The following SLC24A2 variants were observed in gnomAD, a reference collection of about 807,000 sequenced individuals.
SLC24A2 encodes solute carrier family 24 member 2.
Under a neutral mutation model 62.0 loss-of-function variants are expected in SLC24A2, and 36 were observed. That is an observed-to-expected ratio of 0.58 (90% CI 0.44 to 0.77). The LOEUF (loss-of-function observed/expected upper bound fraction) is 0.77, where lower values mean the gene tolerates loss of function less well. SLC24A2 is among the 30% of genes least tolerant of loss of function. SLC24A2 has a pLI of 0.00. For missense variants in SLC24A2, 846 were observed against 817.9 expected (o/e 1.03, Z -0.42); for synonymous variants, 358 against 294.0 (o/e 1.22, Z -2.23).
At chr9:20,022,383 A>G in the SLC24A2 span, among the ~76,000 whole-genome samples, 3 of 152,244 alleles carry the variant, frequency 2.0e-5, no homozygotes, top group Admixed American at 2.0e-4. Flanking sequence ...TAAGTACATT[A>G]CTAACCAAAG....
At chr9:20,151,514 C>G in the SLC24A2 span, among the ~76,000 whole-genome samples, 38 of 151,978 alleles carry the variant, frequency 2.5e-4, no homozygotes, top group Non-Finnish European at 5.3e-4. Context: ...CCTCAGAGGG[C>G]TTTGCTAGAT....
At chr9:20,224,894 T>C in the SLC24A2 span, among the ~76,000 whole-genome samples, 1 of 152,096 alleles carries the variant, frequency 6.6e-6, no homozygotes, top group African/African-American at 2.4e-5. Context: ...TGGGAGCTAC[T>C]TCAACTAGAA....
chr9:20,150,251 G>C, the SLC24A2 span, among the ~76,000 whole-genome samples: 1 of 151,996 alleles, frequency 6.6e-6, no homozygotes, highest in East Asian at 1.9e-4. Context: ...AATGCAACTG[G>C]ATTATTACAG....
chr9:20,206,673 G>A, the SLC24A2 span, among the ~76,000 whole-genome samples: 40 of 152,012 alleles, frequency 2.6e-4, no homozygotes, highest in African/African-American at 9.2e-4. Context: ...GTAGAGACGG[G>A]GTTTCACCAT....
chr9:19,935,415 A>AC, the SLC24A2 span, among the ~76,000 whole-genome samples: 1 of 151,968 alleles, frequency 6.6e-6, no homozygotes, highest in Non-Finnish European at 1.5e-5. Flanking sequence ...AAAACAAAAA[A>AC]AACCCAGCAC....
chr9:19,797,198 G>T, the SLC24A2 span, among the ~76,000 whole-genome samples: 1 of 152,150 alleles, frequency 6.6e-6, no homozygotes, highest in Non-Finnish European at 1.5e-5. Flanking sequence ...GTTTCATGAG[G>T]TATAAACTTT....
At chr9:19,534,660 C>T (rs1458021527) in intron 8 of SLC24A2, among the ~76,000 whole-genome samples, 1 of 152,170 alleles carries the variant, frequency 6.6e-6, no homozygotes, top group Non-Finnish European at 1.5e-5. Flanking sequence ...TTTCCAGCTT[C>T]ATCCATGTCC....
At chr9:20,073,673 T>C in the SLC24A2 span, among the ~76,000 whole-genome samples, 1 of 152,040 alleles carries the variant, frequency 6.6e-6, no homozygotes, top group Non-Finnish European at 1.5e-5. Context: ...ACAGGACTCG[T>C]TAAAACTCAT....
the SLC24A2 span, among the ~76,000 whole-genome samples, chr9:19,858,482 CA>C: frequency 6.6e-6 from 1 of 152,060 alleles, no homozygotes. Context: ...GCAATTGCAA[CA>C]AAAACAAAAT....
chr9:19,568,544 C>T (rs1835745117), intron 7 of SLC24A2, among the ~76,000 whole-genome samples: 1 of 152,194 alleles, frequency 6.6e-6, no homozygotes, highest in South Asian at 2.1e-4. Context: ...AGCATTTATC[C>T]TCACAACAGT....
At chr9:20,092,317 TA>T in the SLC24A2 span, among the ~76,000 whole-genome samples, 1 of 152,250 alleles carries the variant, frequency 6.6e-6, no homozygotes, top group Non-Finnish European at 1.5e-5. Context: ...TGCTAGCTTT[TA>T]TTTTAATATG....
the SLC24A2 span, among the ~76,000 whole-genome samples, chr9:20,184,990 G>A: frequency 6.6e-6 from 1 of 152,090 alleles, no homozygotes. Context: ...AAATAAGTCA[G>A]GCACGGAAAA....
At chr9:19,773,509 G>A (rs1822752256) in intron 2 of SLC24A2, among the ~76,000 whole-genome samples, 1 of 152,126 alleles carries the variant, frequency 6.6e-6, no homozygotes, top group South Asian at 2.1e-4. Flanking sequence ...TCATAAGTAG[G>A]AAATTAGTCA....
chr9:19,678,670 C>A (rs1012883313), intron 2 of SLC24A2, among the ~76,000 whole-genome samples: 1 of 152,184 alleles, frequency 6.6e-6, no homozygotes, highest in African/African-American at 2.4e-5. Context: ...GCCTTTTCAA[C>A]TAACAGAAAT....
chr9:19,515,286 C>T lies in SLC24A2; in HGVS notation c.*867G>A, dbSNP rs1450156137. ...CAACCCTGGTTACCTCCCCACTTCC[C>T]CAAACCAAGCCACCCAGCCTGGGTT... is the stretch of plus-strand genomic sequence containing the variant. On this transcript the variant is annotated 3_prime_UTR_variant, in exon 11 of 11. Transcript: ENST00000341998. 6.6e-6 allele frequency: 1 copy of T among 152,148 alleles called. No individual in the cohort carries two copies. The highest frequency in any genetic ancestry group is 2.4e-5 in the African/African-American group (1 of 41,428). The allele number at this position is 152,148 out of a possible 1,614,324, so 9.4% of individuals were successfully genotyped here.
At chr9:19,924,134 G>A in the SLC24A2 span, among the ~76,000 whole-genome samples, 9 of 152,202 alleles carry the variant, frequency 5.9e-5, no homozygotes, top group Non-Finnish European at 1.2e-4. Flanking sequence ...GCAGCTGGCT[G>A]TACAATTTCT....
At chr9:19,819,117 A>C in the SLC24A2 span, among the ~76,000 whole-genome samples, 14 of 152,174 alleles carry the variant, frequency 9.2e-5, no homozygotes, top group African/African-American at 3.4e-4. Flanking sequence ...CCTTTTCAAC[A>C]AATGGTGCTG....
At chr9:19,638,800 G>A (rs1020826294) in intron 2 of SLC24A2, among the ~76,000 whole-genome samples, 1 of 124,366 alleles carries the variant, frequency 8.0e-6, no homozygotes, top group African/African-American at 3.0e-5. Flanking sequence ...TAAATAAGAT[G>A]ACATACGTAA....
intron 8 of SLC24A2, among the ~76,000 whole-genome samples, chr9:19,535,131 T>C (rs1424501196): frequency 1.3e-5 from 2 of 152,184 alleles, no homozygotes; most frequent in Non-Finnish European, 2.9e-5. Flanking sequence ...TTTTTTTTCA[T>C]GTTTGCTGGC....
Sources: gnomAD v4.1 joint callset for allele counts (sites outside exome capture counted in the v4.1 genomes callset) on GRCh38, gnomAD v4.1.1 for gene constraint, MANE v1.5 for transcripts, NCBI Gene and HGNC (gene_info 2026-07-23, HGNC 2026-07-21) for gene names.